The following DIP2B variants were observed in gnomAD, a reference collection of about 807,000 sequenced individuals.
The protein encoded by DIP2B is DIP2 acetate--CoA ligase B (putative).
A neutral mutation model predicts 198.0 loss-of-function variants in DIP2B; 76 were observed. The ratio of observed to expected loss-of-function variants is 0.38; its 90% CI spans 0.32 to 0.46. The LOEUF (loss-of-function observed/expected upper bound fraction) is 0.46. DIP2B is among the 20% of genes least tolerant of loss of function. DIP2B has a pLI of 0.99. For missense variants in DIP2B, 1,559 were observed against 1,978.4 expected (o/e 0.79, Z 4.02); for synonymous variants, 701 against 739.1 (o/e 0.95, Z 0.84).
intron 14 of DIP2B, among the ~76,000 whole-genome samples, chr12:50,694,528 C>A (rs769480618): frequency 1.2e-5 from 1 of 81,090 alleles, no homozygotes; most frequent in African/African-American, 3.7e-5. Context: ...TACATACATA[C>A]ATACATACAT....
chr12:50,553,565 C>T (rs1958445007), intron 1 of DIP2B, among the ~76,000 whole-genome samples: 1 of 152,194 alleles, frequency 6.6e-6, no homozygotes, highest in Non-Finnish European at 1.5e-5. Context: ...ACAGTTTTGT[C>T]TAAACAGGAA....
intron 1 of DIP2B, among the ~76,000 whole-genome samples, chr12:50,507,780 C>T (rs1350576715): frequency 6.6e-6 from 1 of 152,204 alleles, no homozygotes; most frequent in Non-Finnish European, 1.5e-5. Flanking sequence ...AAATGATCCA[C>T]CAACCTCAGC....
At chr12:50,729,799 G>A (rs1940005557) in intron 30 of DIP2B, among the ~76,000 whole-genome samples, 1 of 148,834 alleles carries the variant, frequency 6.7e-6, no homozygotes, top group Admixed American at 6.7e-5. Context: ...GTGCAGTCTC[G>A]GCTCACTGCA....
chr12:50,724,651 A>T, intron 27 of DIP2B, 124 bp from the exon 28 acceptor site: 3 of 722,070 alleles, frequency 4.2e-6, no homozygotes, highest in Non-Finnish European at 7.3e-6. Flanking sequence ...TCTGTCTCAC[A>T]TGTGTTCTTT....
rs372079558 is a variant in DIP2B, at chr12:50,587,043, T to C, written c.101-38933T>C. Among the ~76,000 whole-genome samples, 27 of 152,352 alleles carry C rather than the reference T, an allele frequency of 1.8e-4. No homozygotes were observed. In the South Asian group the frequency reaches 2.1e-3, roughly 12 times the overall value. ...ACTGTATGTGTCTCTTTTGTACCTT[T>C]AGATTTTGAACCATGGGTGAGTGTA... On this transcript the variant is annotated intron_variant, in intron 1 of 37. Coordinates refer to ENST00000301180, the MANE Select transcript of DIP2B (RefSeq NM_173602.3).
At chr12:50,525,318 A>G (rs2139356951) in intron 1 of DIP2B, among the ~76,000 whole-genome samples, 1 of 148,330 alleles carries the variant, frequency 6.7e-6, no homozygotes, top group South Asian at 2.1e-4. Flanking sequence ...AAAGCGGGCC[A>G]CTGCACTCCA....
Position 50,708,552 on chromosome 12 carries a change from G to T in DIP2B, c.2639G>T (p.Arg880Leu), listed in dbSNP as rs747659360. 4.4e-6 allele frequency: 7 copies of T among 1,589,970 alleles called. No homozygotes were observed. Among genetic ancestry groups the T allele is most frequent in the Non-Finnish European group, 2.6e-6 (3 of 1,166,802 alleles). The change falls in exon 22 of 38, where the codon CGC becomes CTC. Residue 880 changes from arginine (R) to leucine (L), a missense_variant. Transcript: ENST00000301180. The stretch of plus-strand genomic sequence containing the variant: ...GAAGATAGTTTCCAGTGGATGAGCC[G>T]CGTGCTGCAGGTGAGCACACTTTGG... ...SEEDSFQWMS[R>L]VLQAIDSIHQ...
chr12:50,675,114 G>T (rs1305310691), intron 6 of DIP2B, among the ~76,000 whole-genome samples: 1 of 152,130 alleles, frequency 6.6e-6, no homozygotes, highest in Non-Finnish European at 1.5e-5. Context: ...TGAAAAGGAA[G>T]ATTAGGTGAA....
chr12:50,584,889 C>T (rs936050261), intron 1 of DIP2B, among the ~76,000 whole-genome samples: 12 of 152,138 alleles, frequency 7.9e-5, no homozygotes, highest in Non-Finnish European at 1.3e-4. Flanking sequence ...TATCATCTAA[C>T]GCTTTGCTTA....
Position 50,610,922 on chromosome 12 carries a change from C to G in DIP2B, c.101-15054C>G, listed in dbSNP as rs1255164641. ...TCAAGCAGTTCTCTGTCTCAGCCTC[C>G]TGAGTAGCTGGGATTACAGGAGCCT... On this transcript the variant is annotated intron_variant, in intron 1 of 37. Transcript: ENST00000301180. 2.0e-5 allele frequency among the ~76,000 whole-genome samples: 3 copies of G among 152,094 alleles called. No homozygotes were observed. In the East Asian group the frequency reaches 5.8e-4, roughly 29 times the overall value.
At chr12:50,539,542 A>AG (rs1189154307) in intron 1 of DIP2B, among the ~76,000 whole-genome samples, 1 of 149,932 alleles carries the variant, frequency 6.7e-6, no homozygotes, top group African/African-American at 2.4e-5. Context: ...CTTGAGCCTG[A>AG]GAGGCGGAGG....
At chr12:50,656,730 C>T (rs1366175959) in intron 3 of DIP2B, among the ~76,000 whole-genome samples, 1 of 152,136 alleles carries the variant, frequency 6.6e-6, no homozygotes, top group Non-Finnish European at 1.5e-5. Flanking sequence ...CGCCACCATG[C>T]TCAGCTAATT....
chr12:50,690,075 T>C (rs531903922), intron 12 of DIP2B, among the ~76,000 whole-genome samples: 57 of 152,018 alleles, frequency 3.7e-4, no homozygotes, highest in African/African-American at 1.3e-3. Flanking sequence ...TTATTGACCT[T>C]GGGAACACTT....
chr12:50,516,275 C>T (rs751315967), intron 1 of DIP2B, among the ~76,000 whole-genome samples: 6 of 151,598 alleles, frequency 4.0e-5, no homozygotes, highest in East Asian at 1.9e-4. Flanking sequence ...ATCTCTATAT[C>T]GAGAGAGTCT....
chr12:50,559,745 A>ACACACACACACACACACACACACACACAC (rs1555184070), intron 1 of DIP2B, among the ~76,000 whole-genome samples: 1 of 150,984 alleles, frequency 6.6e-6, no homozygotes, highest in African/African-American at 2.4e-5. Flanking sequence ...ACACACACAC[A>ACACACACACACACACACACACACACACAC]ATTTCTAGTA....
chr12:50,598,128 C>T (rs1285849725), intron 1 of DIP2B, among the ~76,000 whole-genome samples: 1 of 152,138 alleles, frequency 6.6e-6, no homozygotes, highest in African/African-American at 2.4e-5. Context: ...ACCTACCCCA[C>T]TTTTGCATTA....
intron 4 of DIP2B, among the ~76,000 whole-genome samples, chr12:50,669,964 T>C: frequency 6.6e-6 from 1 of 152,162 alleles, no homozygotes; most frequent in East Asian, 1.9e-4. Flanking sequence ...TGAAATTCAA[T>C]CCACAAGTTG....
At chr12:50,606,019 C>T (rs745602760) in intron 1 of DIP2B, among the ~76,000 whole-genome samples, 13 of 151,706 alleles carry the variant, frequency 8.6e-5, no homozygotes, top group South Asian at 4.2e-4. Context: ...GACATTGTTT[C>T]GCCATTTTGG....
At chr12:50,695,801 TCC>T (rs1405392269) in intron 15 of DIP2B, 45 bp from the exon 16 acceptor site, 1 of 1,607,470 alleles carries the variant, frequency 6.2e-7, no homozygotes, top group Non-Finnish European at 8.5e-7. Flanking sequence ...ATTACATATG[TCC>T]CAAATTTATT....
Sources: allele counts gnomAD v4.1 joint callset (sites outside exome capture counted in the v4.1 genomes callset), GRCh38; gene constraint gnomAD v4.1.1; transcripts MANE v1.5; gene names NCBI Gene and HGNC (gene_info 2026-07-23, HGNC 2026-07-21).